GRID1: variants seen among roughly 807,000 people sequenced by gnomAD.
GRID1 encodes the protein glutamate ionotropic receptor delta type subunit 1.
GRID1 carries 28 observed loss-of-function variants against 98.0 expected under a neutral mutation model. The observed-to-expected ratio is 0.29, with a 90% CI of 0.21 to 0.39. GRID1 has a LOEUF of 0.39. Among genes scored for constraint, GRID1 ranks in the 10% least tolerant of loss-of-function variants. The probability of loss-of-function intolerance (pLI) is 1.00; values close to 1 mark genes in which losing one functional copy is unlikely to be tolerated. For synonymous variants in GRID1, 553 were observed against 538.5 expected (o/e 1.03, Z -0.37); for missense variants, 1,111 against 1,340.5 (o/e 0.83, Z 2.67).
chr10:85,850,507 C>A (rs546750863), intron 8 of GRID1, among the ~76,000 whole-genome samples: 2 of 152,332 alleles, frequency 1.3e-5, no homozygotes, highest in South Asian at 4.1e-4. Flanking sequence ...ACTGCCCTGG[C>A]ACACAGGGCT....
chr10:86,182,072 C>A (rs1845663541), intron 3 of GRID1, among the ~76,000 whole-genome samples: 1 of 152,194 alleles, frequency 6.6e-6, no homozygotes, highest in Non-Finnish European at 1.5e-5. Context: ...CCGCACTCGA[C>A]CCCTGCATCA....
At chr10:85,720,563 T>C (rs1005421421) in intron 12 of GRID1, among the ~76,000 whole-genome samples, 3 of 149,890 alleles carry the variant, frequency 2.0e-5, no homozygotes, top group African/African-American at 7.4e-5. Flanking sequence ...AGCAATTCCA[T>C]GGAGGACGGA....
chr10:85,884,967 T>TA (rs59697659), intron 5 of GRID1, among the ~76,000 whole-genome samples: 12,928 of 150,852 alleles, frequency 0.086, 661 homozygotes, highest in African/African-American at 0.14. Context: ...CATCAGAAAG[T>TA]AAAAAAAAAG....
chr10:86,019,541 A>T (rs1564651577), intron 4 of GRID1, among the ~76,000 whole-genome samples: 1 of 152,226 alleles, frequency 6.6e-6, no homozygotes. Context: ...CTGTGTTCTC[A>T]ATTCACAGTT....
intron 3 of GRID1, among the ~76,000 whole-genome samples, chr10:86,180,157 C>T (rs565457835): frequency 6.6e-6 from 1 of 152,116 alleles, no homozygotes; most frequent in South Asian, 2.1e-4. Flanking sequence ...GAGGTGGCCG[C>T]CAGCTAGCTT....
intron 12 of GRID1, among the ~76,000 whole-genome samples, chr10:85,664,764 C>G (rs1564552545): frequency 6.6e-6 from 1 of 152,160 alleles, no homozygotes; most frequent in Non-Finnish European, 1.5e-5. Flanking sequence ...AACTTTTCAA[C>G]AGGAATGTTT....
chr10:86,049,446 C>T (rs1055833350), intron 4 of GRID1, among the ~76,000 whole-genome samples: 9 of 152,286 alleles, frequency 5.9e-5, no homozygotes, highest in South Asian at 4.2e-4. Flanking sequence ...GGTGGAGATG[C>T]GGCTACTATA....
At chr10:85,753,836 G>A (rs892779293) in intron 8 of GRID1, among the ~76,000 whole-genome samples, 1 of 152,146 alleles carries the variant, frequency 6.6e-6, no homozygotes, top group Admixed American at 6.5e-5. Context: ...CCTTCTTCTT[G>A]TGTTCCGGAA....
chr10:86,122,517 A>C (rs1427648721), intron 4 of GRID1, among the ~76,000 whole-genome samples: 1 of 152,212 alleles, frequency 6.6e-6, no homozygotes, highest in Non-Finnish European at 1.5e-5. Context: ...GCAGCCCTGG[A>C]GCTGGAATTC....
chr10:85,841,779 C>A (rs1252195807), intron 8 of GRID1, among the ~76,000 whole-genome samples: 1 of 152,026 alleles, frequency 6.6e-6, no homozygotes, highest in African/African-American at 2.4e-5. Context: ...CAATGAGATA[C>A]CATCTCACAC....
Position 86,206,336 on chromosome 10 carries a change from G to C in GRID1, c.520+28C>G. 1 of 1,566,716 alleles carries C rather than the reference G, an allele frequency of 6.4e-7. No individual in the cohort carries two copies. The highest frequency in any genetic ancestry group is 8.7e-7 in the Non-Finnish European group (1 of 1,153,458). On this transcript the variant is annotated intron_variant, in intron 3 of 15. Coordinates refer to ENST00000327946, the MANE Select transcript of GRID1 (RefSeq NM_017551.3). This position sits in a 1 kb window ranked among gnomAD's most constrained non-coding sequence, Gnocchi z 4.1. ...ATCTGGCCATCCCTGTCCCCAAGCAGCCCCAGCTCGCCTGCCGGACAACTC... is the reference window on the plus strand; with the variant it reads ...ATCTGGCCATCCCTGTCCCCAAGCACCCCCAGCTCGCCTGCCGGACAACTC...
chr10:85,944,517 T>C (rs1284190716), intron 4 of GRID1, among the ~76,000 whole-genome samples: 3 of 152,186 alleles, frequency 2.0e-5, no homozygotes, highest in Non-Finnish European at 4.4e-5. Flanking sequence ...AAAATACATA[T>C]AGCCTTTGAC....
intron 3 of GRID1, among the ~76,000 whole-genome samples, chr10:86,172,739 T>A (rs924909016): frequency 2.6e-5 from 4 of 152,134 alleles, no homozygotes; most frequent in African/African-American, 9.7e-5. Context: ...CGGCAAGTGA[T>A]AACAGCACCT....
intron 8 of GRID1, among the ~76,000 whole-genome samples, chr10:85,835,032 G>T (rs913262275): frequency 6.6e-6 from 1 of 152,086 alleles, no homozygotes; most frequent in Non-Finnish European, 1.5e-5. Context: ...TTTTTAAAAA[G>T]TAGGAGTGAC....
intron 4 of GRID1, among the ~76,000 whole-genome samples, chr10:86,060,838 A>T (rs575837409): frequency 7.9e-5 from 12 of 152,182 alleles, no homozygotes; most frequent in African/African-American, 2.6e-4. Flanking sequence ...CTCTCCATAG[A>T]CTGGTCCCCT....
chr10:85,952,841 T>C (rs1842142208), intron 4 of GRID1, among the ~76,000 whole-genome samples: 1 of 152,224 alleles, frequency 6.6e-6, no homozygotes, highest in Non-Finnish European at 1.5e-5. Flanking sequence ...GATTTTCTTC[T>C]GCCTCTTCCA....
At chr10:85,809,621 T>A (rs1842652795) in intron 8 of GRID1, among the ~76,000 whole-genome samples, 1 of 152,168 alleles carries the variant, frequency 6.6e-6, no homozygotes, top group South Asian at 2.1e-4. Flanking sequence ...TTTCTCCTTA[T>A]AAAAAAGGAC....
At chr10:85,691,805 C>G (rs1039318771) in intron 12 of GRID1, among the ~76,000 whole-genome samples, 2 of 152,206 alleles carry the variant, frequency 1.3e-5, no homozygotes, top group African/African-American at 4.8e-5. Flanking sequence ...CATATTCTGG[C>G]TGTTTTCCAA....
chr10:85,803,782 C>A (rs1842597895), intron 8 of GRID1, among the ~76,000 whole-genome samples: 1 of 151,864 alleles, frequency 6.6e-6, no homozygotes, highest in Non-Finnish European at 1.5e-5. Flanking sequence ...ACATAATAAT[C>A]ACATCAGAGT....
Sources: gnomAD v4.1 joint callset for allele counts (sites outside exome capture counted in the v4.1 genomes callset) on GRCh38, gnomAD v4.1.1 for gene constraint, Gnocchi (gnomAD v3.1) non-coding constraint, MANE v1.5 for transcripts, NCBI Gene and HGNC (gene_info 2026-07-23, HGNC 2026-07-21) for gene names.